IL15: variants seen among roughly 807,000 people sequenced by gnomAD.
IL15 encodes interleukin-15.
IL15 carries 11 observed loss-of-function variants against 19.6 expected under a neutral mutation model. That is an observed-to-expected ratio of 0.56 (90% CI 0.35 to 0.93). The LOEUF (loss-of-function observed/expected upper bound fraction) is 0.93, where lower values mean the gene tolerates loss of function less well. Ranked by LOEUF, IL15 falls within the 40% of genes least tolerant of loss-of-function variation. The pLI, the probability that IL15 is intolerant of heterozygous loss-of-function variation, is 0.01. For synonymous variants in IL15, 58 were observed against 59.6 expected (o/e 0.97, Z 0.12); for missense variants, 197 against 186.5 (o/e 1.06, Z -0.33).
chr4:141,721,587 T>A (rs550749196), intron 4 of IL15: 1 of 524,166 alleles, frequency 1.9e-6, no homozygotes, highest in African/African-American at 1.9e-5. Flanking sequence ...AGGAAACTAG[T>A]AATTCATTCA....
In IL15 at chr4:141,694,982, T is replaced by C. The variant is rs568169419; in HGVS notation, c.-99-24384T>C. 9.8e-5 allele frequency among the ~76,000 whole-genome samples: 15 copies of C among 152,328 alleles called. No homozygotes were observed. In the South Asian group the frequency reaches 2.9e-3, roughly 29 times the overall value. Reference sequence around the variant, plus strand: ...ATACCCCTCTCTCCATGTCCATTACTATTTACTTTGGATTACTGTAGCACC... The same window carrying C: ...ATACCCCTCTCTCCATGTCCATTACCATTTACTTTGGATTACTGTAGCACC... On this transcript the variant is annotated intron_variant, in intron 2 of 7. Transcript: ENST00000320650.
At chr4:141,654,089 G>A (rs181201673) in intron 1 of IL15, among the ~76,000 whole-genome samples, 1 of 152,352 alleles carries the variant, frequency 6.6e-6, no homozygotes, top group Non-Finnish European at 1.5e-5. Flanking sequence ...ATACATGCGA[G>A]AGGCTTACTG....
At chr4:141,668,937 T>C (rs569436989) in intron 2 of IL15, among the ~76,000 whole-genome samples, 7 of 152,310 alleles carry the variant, frequency 4.6e-5, no homozygotes, top group African/African-American at 1.4e-4. Context: ...TAGTTTCTTG[T>C]TCTGGGCTGT....
chr4:141,646,949 A>G (rs1235769268), intron 1 of IL15, among the ~76,000 whole-genome samples: 1 of 152,098 alleles, frequency 6.6e-6, no homozygotes, highest in Non-Finnish European at 1.5e-5. Flanking sequence ...TTGCTTGAGT[A>G]TTTAAAGCAA....
chr4:141,711,560 G>T (rs540510039), intron 2 of IL15, among the ~76,000 whole-genome samples: 1 of 152,204 alleles, frequency 6.6e-6, no homozygotes, highest in Admixed American at 6.5e-5. Context: ...TATAGGTGTT[G>T]TAGGTACAGT....
chr4:141,724,661 A>G (rs1730199643), intron 5 of IL15, among the ~76,000 whole-genome samples: 1 of 152,154 alleles, frequency 6.6e-6, no homozygotes, highest in Non-Finnish European at 1.5e-5. Context: ...AATAAGAAAA[A>G]CTATGAACAA....
intron 1 of IL15, among the ~76,000 whole-genome samples, chr4:141,639,708 G>T (rs1726980625): frequency 6.6e-6 from 1 of 152,162 alleles, no homozygotes; most frequent in Non-Finnish European, 1.5e-5. Context: ...AGAAGGTTTG[G>T]CAAGAAGCCA....
intron 2 of IL15, chr4:141,715,427 A>G (rs1367298574): frequency 6.6e-6 from 1 of 152,102 alleles, no homozygotes; most frequent in Non-Finnish European, 1.5e-5. Flanking sequence ...CTTTACCCTG[A>G]CTACCCAAAA....
At chr4:141,714,513 C>T (rs995825930) in intron 2 of IL15, 5 of 152,230 alleles carry the variant, frequency 3.3e-5, no homozygotes, top group Admixed American at 1.3e-4. Context: ...CCTTTTCTTG[C>T]TACTTTCTTG....
chr4:141,659,458 C>T (rs1459266440), intron 2 of IL15, among the ~76,000 whole-genome samples: 1 of 152,174 alleles, frequency 6.6e-6, no homozygotes. Flanking sequence ...ACCTCGGCCT[C>T]CCGAAGTGCT....
At chr4:141,665,876 T>C (rs1348761937) in intron 2 of IL15, among the ~76,000 whole-genome samples, 2 of 152,064 alleles carry the variant, frequency 1.3e-5, no homozygotes, top group African/African-American at 4.8e-5. Context: ...CCATAGACCT[T>C]GTTATTTCCT....
chr4:141,701,763 T>C (rs1452174872), intron 2 of IL15, among the ~76,000 whole-genome samples: 1 of 152,138 alleles, frequency 6.6e-6, no homozygotes, highest in African/African-American at 2.4e-5. Context: ...GGGTGTGAGC[T>C]ACCTCAGTTC....
At chr4:141,726,844 C>T (rs1474670322) in intron 5 of IL15, among the ~76,000 whole-genome samples, 2 of 151,948 alleles carry the variant, frequency 1.3e-5, no homozygotes, top group Non-Finnish European at 2.9e-5. Flanking sequence ...AACTGTGGTA[C>T]ATTTATAAAA....
At chr4:141,646,527 A>G (rs1727230790) in intron 1 of IL15, among the ~76,000 whole-genome samples, 1 of 152,118 alleles carries the variant, frequency 6.6e-6, no homozygotes, top group Non-Finnish European at 1.5e-5. Flanking sequence ...TGTACTTCAA[A>G]TTGCAGCCTC....
chr4:141,719,310 C>G (rs1493012), intron 2 of IL15, 56 bp from the exon 3 acceptor site: 1 of 528,034 alleles, frequency 1.9e-6, no homozygotes, highest in African/African-American at 2.0e-5. Flanking sequence ...TAATTCCCTC[C>G]CTTTCTTTTT....
At chr4:141,705,443 A>G (rs1364221503) in intron 2 of IL15, among the ~76,000 whole-genome samples, 1 of 152,032 alleles carries the variant, frequency 6.6e-6, no homozygotes, top group East Asian at 1.9e-4. Flanking sequence ...GTTAGGAAAG[A>G]TACTTGATAT....
In IL15 at chr4:141,732,920, A is replaced by C. The variant is rs55981819; in HGVS notation, c.*72A>C. ...CTCTGCTGCTTAGACATAACAAAAC[A>C]CTCGGCATTTCAAATGTGCTGTCAA... On this transcript the variant is annotated 3_prime_UTR_variant, in exon 8 of 8. Transcript: ENST00000320650. 32 of 1,535,752 alleles carry C rather than the reference A, an allele frequency of 2.1e-5. No individual in the cohort carries two copies. The highest frequency in any genetic ancestry group is 2.6e-5 in the Non-Finnish European group (30 of 1,146,866).
intron 2 of IL15, among the ~76,000 whole-genome samples, chr4:141,708,639 C>G (rs564276991): frequency 1.3e-5 from 2 of 152,162 alleles, no homozygotes. Flanking sequence ...TGACTCTGAG[C>G]TAATTCTGGT....
chr4:141,686,267 C>T (rs577277310), intron 2 of IL15, among the ~76,000 whole-genome samples: 6 of 151,028 alleles, frequency 4.0e-5, no homozygotes. Context: ...TGCACTCCAG[C>T]CTGGGCAACA....
Sources: gnomAD v4.1 joint callset for allele counts (sites outside exome capture counted in the v4.1 genomes callset) on GRCh38, gnomAD v4.1.1 for gene constraint, MANE v1.5 for transcripts, NCBI Gene and HGNC (gene_info 2026-07-23, HGNC 2026-07-21) for gene names.